SHQ1: variants seen among roughly 807,000 people sequenced by gnomAD.
SHQ1 encodes protein SHQ1 homolog.
A neutral mutation model predicts 53.8 loss-of-function variants in SHQ1; 49 were observed. The observed-to-expected ratio is 0.91, with a 90% CI of 0.72 to 1.16. The LOEUF (loss-of-function observed/expected upper bound fraction) is 1.16. Ranked by LOEUF, SHQ1 falls within the 50% of genes most tolerant of loss-of-function variation. SHQ1 has a pLI of 0.00. For missense variants in SHQ1, 738 were observed against 683.1 expected (o/e 1.08, Z -0.90); for synonymous variants, 243 against 251.0 (o/e 0.97, Z 0.30).
chr3:72,785,849 A>G (rs530899363), intron 10 of SHQ1, among the ~76,000 whole-genome samples: 2 of 152,190 alleles, frequency 1.3e-5, no homozygotes, highest in South Asian at 2.1e-4. Flanking sequence ...GACTTAATTC[A>G]TTTCCCTTCT....
chr3:72,754,605 T>G (rs1705462630), intron 10 of SHQ1, among the ~76,000 whole-genome samples: 1 of 152,090 alleles, frequency 6.6e-6, no homozygotes, highest in Admixed American at 6.6e-5. Flanking sequence ...GGTCTTGAAC[T>G]CCCGACCTCA....
chr3:72,773,149 G>C, intron 10 of SHQ1: 1 of 748,942 alleles, frequency 1.3e-6, no homozygotes, highest in Non-Finnish European at 2.5e-6. Flanking sequence ...GGATGAGTTG[G>C]AATTTTGGAA....
intron 10 of SHQ1, among the ~76,000 whole-genome samples, chr3:72,757,269 GT>G (rs1414522562): frequency 2.0e-5 from 3 of 152,052 alleles, no homozygotes; most frequent in Non-Finnish European, 2.9e-5. Flanking sequence ...ATTCCAGACA[GT>G]TCAAACTGGA....
At chr3:72,786,481 C>A (rs889062699) in intron 10 of SHQ1, among the ~76,000 whole-genome samples, 1 of 152,168 alleles carries the variant, frequency 6.6e-6, no homozygotes, top group African/African-American at 2.4e-5. Context: ...GGTTTTCAGG[C>A]TGTTCAAATG....
chr3:72,726,695 C>G, the SHQ1 span, among the ~76,000 whole-genome samples: 1 of 152,144 alleles, frequency 6.6e-6, no homozygotes, highest in Non-Finnish European at 1.5e-5. Flanking sequence ...GGTGCTCATT[C>G]CAGCACAAGC....
rs772367629 is a variant in SHQ1, at chr3:72,846,165, T to C, written c.144-1742A>G. ...TTACCAGCTCCCTTCCCCTAAACTCTATAAGCCTAGAGTTAAATTCTTACT... is the reference window on the plus strand; with the variant it reads ...TTACCAGCTCCCTTCCCCTAAACTCCATAAGCCTAGAGTTAAATTCTTACT... On this transcript the variant is annotated intron_variant, in intron 1 of 10. Transcript: ENST00000325599. 1.9e-5 allele frequency: 29 copies of C among 1,517,814 alleles called. 1 individual carries two copies. The South Asian group carries it at 2.4e-4, about 13-fold the overall frequency. The allele number at this position is 1,517,814 out of a possible 1,614,324, so 94.0% of individuals were successfully genotyped here. A position where few individuals can be genotyped will look rare whatever the true frequency, so the allele number is the denominator to read the frequency against.
At chr3:72,746,460 G>A (rs1202250218), downstream of SHQ1, among the ~76,000 whole-genome samples, 1 of 152,192 alleles carries the variant, frequency 6.6e-6, no homozygotes, top group African/African-American at 2.4e-5. Flanking sequence ...AGCTAGTGTA[G>A]TATAGTGTTC....
intron 9 of SHQ1, among the ~76,000 whole-genome samples, chr3:72,809,249 G>A (rs1707046271): frequency 1.3e-5 from 2 of 152,098 alleles, no homozygotes; most frequent in Admixed American, 1.3e-4. Flanking sequence ...TCCCAGCTGG[G>A]GAAGGGAAGA....
chr3:72,730,304 G>A, the SHQ1 span, among the ~76,000 whole-genome samples: 1 of 151,806 alleles, frequency 6.6e-6, no homozygotes, highest in Non-Finnish European at 1.5e-5. Context: ...GTGTAGAGAT[G>A]GGGTATCACT....
In SHQ1 at chr3:72,749,966, C is replaced by A. The variant is rs1423753770; in HGVS notation, c.*318G>T. On this transcript the variant is annotated 3_prime_UTR_variant, in exon 11 of 11. Coordinates refer to ENST00000325599, the MANE Select transcript of SHQ1 (RefSeq NM_018130.3). The stretch of plus-strand genomic sequence containing the variant: ...GCAGTATTTGCATATAACCTACCCA[C>A]ATCCTCCTGCACAGTTTAAATCATC... 8 of 289,042 alleles carry A rather than the reference C, an allele frequency of 2.8e-5. No homozygotes were observed. Among genetic ancestry groups the A allele is most frequent in the Non-Finnish European group, 4.5e-5 (7 of 155,284 alleles). The allele number at this position is 289,042 out of a possible 1,614,324, so 17.9% of individuals were successfully genotyped here.
At chr3:72,794,880 G>T (rs940573924) in intron 9 of SHQ1, 1 of 152,184 alleles carries the variant, frequency 6.6e-6, no homozygotes, top group African/African-American at 2.4e-5. Flanking sequence ...TCAAAATGGG[G>T]AAAGTCCTCC....
intron 10 of SHQ1, among the ~76,000 whole-genome samples, chr3:72,786,939 T>C (rs929081015): frequency 2.0e-5 from 3 of 152,224 alleles, no homozygotes; most frequent in Non-Finnish European, 4.4e-5. Flanking sequence ...AGATGTATGT[T>C]ATCTACCCTG....
rs974302498 is a variant in SHQ1 at position 72,824,512 on chromosome 3, C to A, written c.639G>T (p.Leu213Phe). 1 of 1,611,884 alleles carries A rather than the reference C, an allele frequency of 6.2e-7. No homozygotes were observed. Among genetic ancestry groups the A allele is most frequent in the Admixed American group, 1.7e-5 (1 of 59,612 alleles). The stretch of plus-strand genomic sequence containing the variant: ...TGTCAGTCCACCAAGGATTATACTT[C>A]AAAATCTGTTCAATCGCCTCATCTT... ...FFEDEAIEQI[L>F]KYNPWWTDKY... Residue 213 changes from leucine (L) to phenylalanine (F), a missense_variant, in exon 6 of 11, where the codon TTG becomes TTT. Physicochemically the swap from Leu to Phe is conservative, Grantham distance 22 (BLOSUM62 0). Coordinates refer to ENST00000325599, the MANE Select transcript of SHQ1 (RefSeq NM_018130.3).
intron 9 of SHQ1, among the ~76,000 whole-genome samples, chr3:72,797,851 A>G (rs1208954734): frequency 6.6e-6 from 1 of 152,162 alleles, no homozygotes; most frequent in Non-Finnish European, 1.5e-5. Context: ...GTAGATGACT[A>G]CAGCATCACA....
At position 72,799,152 on chromosome 3, in the gene SHQ1, T is replaced by C. The variant is rs530975362; in HGVS notation, c.1061-6116A>G. Among the ~76,000 whole-genome samples the C allele has an allele frequency of 1.6e-4, 23 of 146,680 alleles. 1 individual carries two copies. Among genetic ancestry groups the C allele is most frequent in the African/African-American group, 4.1e-4 (16 of 39,376 alleles). ...GGGCAACACAGTGGGACTCCATCTC[T>C]ACAAAAAAAAAAATAATAATAATTT... is the stretch of plus-strand genomic sequence containing the variant. On this transcript the variant is annotated intron_variant, in intron 9 of 10. Coordinates refer to ENST00000325599, the MANE Select transcript of SHQ1 (RefSeq NM_018130.3).
At chr3:72,817,857 T>G (rs1707368363) in intron 6 of SHQ1, among the ~76,000 whole-genome samples, 2 of 152,186 alleles carry the variant, frequency 1.3e-5, no homozygotes, top group African/African-American at 2.4e-5. Flanking sequence ...AAATTTCAAT[T>G]CAAATTAATC....
the SHQ1 span, among the ~76,000 whole-genome samples, chr3:72,744,005 G>C: frequency 6.6e-6 from 1 of 152,124 alleles, no homozygotes; most frequent in Non-Finnish European, 1.5e-5. Context: ...AGCAACGCAG[G>C]AGCAAACATC....
chr3:72,815,523 G>C, intron 7 of SHQ1, 120 bp from the exon 8 acceptor site: 2 of 734,970 alleles, frequency 2.7e-6, no homozygotes, highest in Non-Finnish European at 4.7e-6. Context: ...GAACTAAGAA[G>C]TGTTCACGAC....
chr3:72,747,643 C>T (rs537410651), downstream of SHQ1, among the ~76,000 whole-genome samples: 105 of 152,260 alleles, frequency 6.9e-4, no homozygotes, highest in African/African-American at 2.1e-3. Flanking sequence ...GCACAGAGAA[C>T]GCTGGATATC....
Sources: allele counts gnomAD v4.1 joint callset (sites outside exome capture counted in the v4.1 genomes callset), GRCh38; gene constraint gnomAD v4.1.1; transcripts MANE v1.5; gene names NCBI Gene and HGNC (gene_info 2026-07-23, HGNC 2026-07-21).